The following LDB1 variants were observed in gnomAD, a reference collection of about 807,000 sequenced individuals.
LDB1 encodes the protein LIM domain-binding protein 1.
Under a neutral mutation model 49.7 loss-of-function variants are expected in LDB1, and 6 were observed. The ratio of observed to expected loss-of-function variants is 0.12; its 90% CI spans 0.07 to 0.24. The LOEUF (loss-of-function observed/expected upper bound fraction) is 0.24, where lower values mean the gene tolerates loss of function less well. Among genes scored for constraint, LDB1 ranks in the 10% least tolerant of loss-of-function variants. The pLI, the probability that LDB1 is intolerant of heterozygous loss-of-function variation, is 1.00. For synonymous variants in LDB1, 233 were observed against 202.0 expected, an observed-to-expected ratio of 1.15 and a Z score of -1.30; for missense variants, 341 against 561.7, an observed-to-expected ratio of 0.61 and a Z score of 3.97.
intron 1 of LDB1, among the ~76,000 whole-genome samples, chr10:102,118,649 T>G (rs2068362629): frequency 6.6e-6 from 1 of 152,238 alleles, no homozygotes; most frequent in Admixed American, 6.5e-5. Flanking sequence ...TCCCTCTAGC[T>G]TGTTCAGATC....
intron 6 of LDB1, 134 bp from the exon 7 acceptor site, chr10:102,110,177 C>T: frequency 1.0e-6 from 1 of 989,592 alleles, no homozygotes; most frequent in Non-Finnish European, 1.5e-6. Flanking sequence ...AATCTGGGTG[C>T]ATAAATGTCA....
intron 1 of LDB1, among the ~76,000 whole-genome samples, chr10:102,116,474 T>C (rs1387621653): frequency 6.6e-6 from 1 of 152,128 alleles, no homozygotes; most frequent in Admixed American, 6.6e-5. Context: ...AGCCACCGCG[T>C]CTGGCCATCA....
chr10:102,108,717 A>G (rs951223700), intron 10 of LDB1, among the ~76,000 whole-genome samples: 5 of 152,148 alleles, frequency 3.3e-5, no homozygotes, highest in Non-Finnish European at 7.3e-5. Context: ...TCCAGTCTGC[A>G]TGTCTATCAG....
At chr10:102,113,812 G>C (rs2068291540) in intron 1 of LDB1, among the ~76,000 whole-genome samples, 1 of 149,722 alleles carries the variant, frequency 6.7e-6, no homozygotes, top group African/African-American at 2.5e-5. Context: ...TCTAGAGAAT[G>C]AACAGGCATT....
intron 10 of LDB1, 142 bp from the exon 11 acceptor site, chr10:102,108,465 A>G (rs918449456): frequency 4.8e-6 from 3 of 628,480 alleles, no homozygotes; most frequent in Non-Finnish European, 8.4e-6. Flanking sequence ...TAAAACCCCA[A>G]CTCCTGACAC....
chr10:102,120,209 G>C lies in LDB1; in HGVS notation c.-99C>G. On this transcript the variant is annotated 5_prime_UTR_variant, in exon 1 of 11. Transcript: ENST00000673968. ...GCCGCCGCCGCCGCCCGCGGCCCCCGCTGCGCTCGCCGCCGGCCCGGCCCG... is the reference window on the plus strand; with the variant it reads ...GCCGCCGCCGCCGCCCGCGGCCCCCCCTGCGCTCGCCGCCGGCCCGGCCCG... 9.8e-7 allele frequency: 1 copy of C among 1,015,818 alleles called. No individual in the cohort carries two copies. Among genetic ancestry groups the C allele is most frequent in the African/African-American group, 1.7e-5 (1 of 57,692 alleles). 62.9% of individuals were successfully genotyped at this position (1,015,818 alleles called of 1,614,324 possible).
At position 102,108,203 on chromosome 10, in the gene LDB1, C is replaced by T; in HGVS notation, c.1126G>A (p.Asp376Asn). Residue 376 changes from aspartate to asparagine, a missense_variant, in exon 11 of 11, where the codon GAC (aspartate) becomes AAC (asparagine). Asp to Asn is a conservative substitution (Grantham distance 23). This residue lies in a region of LDB1 where 46 missense variants were observed against 62.9 expected (regional missense o/e 0.73). Transcript: ENST00000673968. The part of the protein sequence containing the change: ...FDAANGIDDE[D>N]SFNNSPALGA... The stretch of plus-strand genomic sequence containing the variant: ...AGTGCAGGGGAGTTGTTAAAGCTGT[C>T]CTCGTCGTCAATGCCGTTGGCTGCG... 6.2e-7 allele frequency: 1 copy of T among 1,614,096 alleles called. No homozygotes were observed.
chr10:102,112,241 G>A (rs753694515), intron 1 of LDB1, among the ~76,000 whole-genome samples: 2 of 152,154 alleles, frequency 1.3e-5, no homozygotes, highest in Admixed American at 6.5e-5. Context: ...AACCTTATGA[G>A]GTAGCAGGGC....
chr10:102,109,087 TTGTTGG>T lies in LDB1; in HGVS notation c.941_946del (p.Thr314_Asn315del). 1.2e-6 allele frequency: 2 copies of T among 1,614,188 alleles called. No homozygotes were observed. Among genetic ancestry groups the T allele is most frequent in the Non-Finnish European group, 1.7e-6 (2 of 1,180,038 alleles). On this transcript the variant is annotated inframe_deletion, in exon 10 of 11. Coordinates refer to ENST00000673968, the MANE Select transcript of LDB1 (RefSeq NM_001113407.3). The surrounding 1 kb of genome is among the most constrained non-coding windows in gnomAD (Gnocchi z 5.8). Reference sequence around the variant, plus strand: ...TGGGCTCTTCTTCTTGCTGTTGCTGTTGTTGGTGTTGCCACCACCAGAGCTCATGGT... The same window carrying T: ...TGGGCTCTTCTTCTTGCTGTTGCTGTTGTTGCCACCACCAGAGCTCATGGT...
chr10:102,107,905 G>T lies in LDB1; in HGVS notation c.*188C>A. 1 of 629,142 alleles carries T rather than the reference G, an allele frequency of 1.6e-6. No homozygotes were observed. The highest frequency in any genetic ancestry group is 2.8e-6 in the Non-Finnish European group (1 of 355,314). 39.0% of individuals were successfully genotyped at this position (629,142 alleles called of 1,614,324 possible). A position where few individuals can be genotyped will look rare whatever the true frequency, so the allele number is the denominator to read the frequency against. ...CCCTAAAAGGCTCTGTAGAGGCCAG[G>T]CCCAGCCCAGGGCCACTGGGGGGGC... is the stretch of plus-strand genomic sequence containing the variant. On this transcript the variant is annotated 3_prime_UTR_variant, in exon 11 of 11. Coordinates refer to ENST00000673968, the MANE Select transcript of LDB1 (RefSeq NM_001113407.3).
At position 102,119,889 on chromosome 10, in the gene LDB1, G is replaced by C. The variant is rs2068392415; in HGVS notation, c.25+197C>G. On this transcript the variant is annotated intron_variant, in intron 1 of 10. Coordinates refer to ENST00000673968, the MANE Select transcript of LDB1 (RefSeq NM_001113407.3). ...AAGCCACCCCCAGCGTCTCCTCCCC[G>C]TGTTTCTGGGCTGCTGCGCATTTAC... 2.2e-5 allele frequency among the ~76,000 whole-genome samples: 3 copies of C among 138,662 alleles called. No homozygotes were observed. The Admixed American group carries it at 2.3e-4, about 11-fold the overall frequency. 91.0% of individuals were successfully genotyped at this position (138,662 alleles called of 152,430 possible).
chr10:102,111,358 G>A lies in LDB1; in HGVS notation c.129-58C>T, dbSNP rs1272231739. On this transcript the variant is annotated intron_variant, in intron 2 of 10. Transcript: ENST00000673968. ...TTGAAGATAGGAATTATTGGGGGCA[G>A]GGGGCTACTCCCTCCCCTTTCCAGG... is the stretch of plus-strand genomic sequence containing the variant. 1.9e-6 allele frequency: 3 copies of A among 1,600,318 alleles called. No individual in the cohort carries two copies. In the African/African-American group the frequency reaches 4.0e-5, roughly 21 times the overall value.
intron 1 of LDB1, chr10:102,114,319 C>A (rs2068300170): frequency 6.1e-6 from 6 of 985,494 alleles, no homozygotes; most frequent in Non-Finnish European, 6.0e-6. Context: ...GGCTGGGGCA[C>A]CTCTCCCCCA....
At chr10:102,120,805 C>T (rs1423856875), upstream of LDB1, among the ~76,000 whole-genome samples, 1 of 152,104 alleles carries the variant, frequency 6.6e-6, no homozygotes, top group Non-Finnish European at 1.5e-5. Flanking sequence ...GCGGGAGCCG[C>T]GGCTGGGGGA....
chr10:102,108,640 A>G (rs1012481896), intron 10 of LDB1, among the ~76,000 whole-genome samples: 3 of 152,184 alleles, frequency 2.0e-5, no homozygotes, highest in South Asian at 2.1e-4. Context: ...GAAAGGGAGC[A>G]TATCAAAAAC....
At chr10:102,110,801 C>A in intron 5 of LDB1, 68 bp downstream of exon 5, 1 of 1,581,292 alleles carries the variant, frequency 6.3e-7, no homozygotes, top group Non-Finnish European at 8.7e-7. Context: ...ACTCCCAGAC[C>A]CACTTCTAGA....
downstream of LDB1, among the ~76,000 whole-genome samples, chr10:102,103,366 A>C (rs2068133486): frequency 6.6e-6 from 1 of 151,648 alleles, no homozygotes; most frequent in African/African-American, 2.4e-5. Context: ...TGAGACAGAG[A>C]GTCTTGCTCT....
chr10:102,114,601 G>A (rs1490033331), intron 1 of LDB1: 2 of 985,254 alleles, frequency 2.0e-6, no homozygotes, highest in Non-Finnish European at 2.4e-6. Flanking sequence ...GCCCCGCGGC[G>A]GCCGCTGTCC....
chr10:102,107,557 T>G lies in LDB1; in HGVS notation c.*536A>C. ...TAGGGGGAAGAGGGGGGGACATGAG[T>G]GATTTTTTTTTTAACTTACATTTTT... On this transcript the variant is annotated 3_prime_UTR_variant, in exon 11 of 11. Coordinates refer to ENST00000673968, the MANE Select transcript of LDB1 (RefSeq NM_001113407.3). The G allele has an allele frequency of 1.3e-5, 2 of 152,274 alleles. No homozygotes were observed. Among genetic ancestry groups the G allele is most frequent in the Non-Finnish European group, 2.9e-5 (2 of 68,540 alleles). 9.4% of individuals were successfully genotyped at this position (152,274 alleles called of 1,614,324 possible). A position where few individuals can be genotyped will look rare whatever the true frequency, so the allele number is the denominator to read the frequency against.
Sources: allele counts gnomAD v4.1 joint callset (sites outside exome capture counted in the v4.1 genomes callset), GRCh38; gene constraint gnomAD v4.1.1; regional missense constraint gnomAD v4.1.1; non-coding constraint Gnocchi (gnomAD v3.1); transcripts MANE v1.5; gene names NCBI Gene and HGNC (gene_info 2026-07-23, HGNC 2026-07-21).